Variants in COP1 observed in about 807,000 individuals in gnomAD.
COP1 encodes COP1 E3 ubiquitin ligase, also known as E3 ubiquitin-protein ligase COP1.
COP1 carries 24 observed loss-of-function variants against 101.3 expected under a neutral mutation model. The observed-to-expected ratio is 0.24, with a 90% CI of 0.17 to 0.33. COP1 has a LOEUF of 0.33. Ranked by LOEUF, COP1 falls within the 10% of genes least tolerant of loss-of-function variation. The pLI, the probability that COP1 is intolerant of heterozygous loss-of-function variation, is 1.00. For missense variants in COP1, 663 were observed against 906.2 expected, an observed-to-expected ratio of 0.73 and a Z score of 3.45; for synonymous variants, 347 against 341.9, an observed-to-expected ratio of 1.01 and a Z score of -0.17.
At chr1:176,043,144 G>T in intron 14 of COP1, 42 bp downstream of exon 14, 3 of 1,189,096 alleles carry the variant, frequency 2.5e-6, no homozygotes, top group Non-Finnish European at 3.8e-6. Flanking sequence ...AGTTAAGAGG[G>T]CCAGGGAGAA....
At chr1:176,103,168 C>T (rs1470956106) in intron 9 of COP1, among the ~76,000 whole-genome samples, 2 of 152,154 alleles carry the variant, frequency 1.3e-5, no homozygotes, top group Admixed American at 6.5e-5. Context: ...TCCTAAAATC[C>T]TTGGAGTTTC....
At chr1:175,962,945 G>T (rs1293919696) in intron 18 of COP1, among the ~76,000 whole-genome samples, 1 of 152,108 alleles carries the variant, frequency 6.6e-6, no homozygotes, top group Non-Finnish European at 1.5e-5. Flanking sequence ...TGTTTGAAGT[G>T]AATATAATGA....
At chr1:176,204,217 T>C (rs1700594661) in intron 1 of COP1, among the ~76,000 whole-genome samples, 1 of 152,152 alleles carries the variant, frequency 6.6e-6, no homozygotes, top group Non-Finnish European at 1.5e-5. Flanking sequence ...TGTGCCTCAA[T>C]GAGAAAATAA....
intron 15 of COP1, among the ~76,000 whole-genome samples, chr1:176,013,443 AT>A (rs1199136322): frequency 6.6e-6 from 1 of 152,218 alleles, no homozygotes; most frequent in Non-Finnish European, 1.5e-5. Flanking sequence ...TTAATGAATC[AT>A]TATAAAGAAT....
In COP1 at chr1:176,007,929, G is replaced by A. The variant is rs547596195; in HGVS notation, c.1730-18450C>T. ...TAAGCAAGCCTGGGTAATGGCGGGC[G>A]CCCCTCCCCCAGCCTCGCTGCCGCC... is the stretch of plus-strand genomic sequence containing the variant. On this transcript the variant is annotated intron_variant, in intron 15 of 19. Coordinates refer to ENST00000367669, the MANE Select transcript of COP1 (RefSeq NM_022457.7). 2.6e-3 allele frequency among the ~76,000 whole-genome samples: 402 copies of A among 152,298 alleles called. 3 individuals carry two copies. Among genetic ancestry groups the A allele is most frequent in the African/African-American group, 9.2e-3 (383 of 41,572 alleles).
chr1:176,106,080 G>T (rs1220760286), intron 9 of COP1, among the ~76,000 whole-genome samples: 1 of 152,154 alleles, frequency 6.6e-6, no homozygotes, highest in Admixed American at 6.5e-5. Context: ...GCCCAGGCTG[G>T]ACTGTGGTGG....
chr1:176,028,577 A>C (rs1668089751), intron 14 of COP1, among the ~76,000 whole-genome samples: 1 of 150,122 alleles, frequency 6.7e-6, no homozygotes, highest in Non-Finnish European at 1.5e-5. Flanking sequence ...AATCAATAAA[A>C]AGGAAAAATC....
chr1:176,158,592 C>A (rs1009079003), intron 5 of COP1, among the ~76,000 whole-genome samples: 4 of 149,140 alleles, frequency 2.7e-5, no homozygotes, highest in African/African-American at 9.9e-5. Context: ...CTACAATGGC[C>A]AGGAGAGAGA....
intron 18 of COP1, among the ~76,000 whole-genome samples, chr1:175,958,177 T>A (rs1020019369): frequency 6.6e-6 from 1 of 152,124 alleles, no homozygotes; most frequent in Non-Finnish European, 1.5e-5. Context: ...ATGTAAATTA[T>A]ATTTCAATAA....
intron 18 of COP1, among the ~76,000 whole-genome samples, chr1:175,970,969 C>A (rs1048119208): frequency 3.9e-5 from 6 of 151,986 alleles, no homozygotes; most frequent in African/African-American, 1.2e-4. Flanking sequence ...GGACATAAAG[C>A]TGTTAGAAGT....
chr1:176,117,885 ACT>A (rs1686473848), intron 8 of COP1, among the ~76,000 whole-genome samples: 1 of 151,848 alleles, frequency 6.6e-6, no homozygotes, highest in Non-Finnish European at 1.5e-5. Flanking sequence ...ACAGAGCAAG[ACT>A]CTGTCTCGAA....
At chr1:176,050,100 C>T (rs1571922335) in intron 11 of COP1, among the ~76,000 whole-genome samples, 1 of 152,196 alleles carries the variant, frequency 6.6e-6, no homozygotes, top group South Asian at 2.1e-4. Context: ...TTAATTTCAA[C>T]ATACAAGTAT....
chr1:176,082,698 C>T (rs566317486), intron 10 of COP1, among the ~76,000 whole-genome samples: 12 of 151,500 alleles, frequency 7.9e-5, no homozygotes, highest in African/African-American at 2.9e-4. Flanking sequence ...CCTAGCTACT[C>T]GGGAGGCTAG....
At chr1:176,099,223 CAAATACA>C (rs778604113) in intron 9 of COP1, among the ~76,000 whole-genome samples, 4 of 152,158 alleles carry the variant, frequency 2.6e-5, no homozygotes, top group Non-Finnish European at 5.9e-5. Flanking sequence ...CAGGTACTCT[CAAATACA>C]GGTTTCTAAT....
intron 2 of COP1, among the ~76,000 whole-genome samples, chr1:176,183,756 G>C (rs1698087080): frequency 6.6e-6 from 1 of 152,142 alleles, no homozygotes; most frequent in Non-Finnish European, 1.5e-5. Flanking sequence ...ATATACAATG[G>C]AGTATTATTC....
At position 176,086,706 on chromosome 1, in the gene COP1, T is replaced by C. The variant is rs565111056; in HGVS notation, c.1027-816A>G. ...TGCCCAAAGTAATTTATAAATTCAATGCCATCCCCATCAAGCTACCAATGA... is the reference window on the plus strand; with the variant it reads ...TGCCCAAAGTAATTTATAAATTCAACGCCATCCCCATCAAGCTACCAATGA... On this transcript the variant is annotated intron_variant, in intron 9 of 19. Coordinates refer to ENST00000367669, the MANE Select transcript of COP1 (RefSeq NM_022457.7). 1.6e-3 allele frequency among the ~76,000 whole-genome samples: 251 copies of C among 152,282 alleles called. 1 individual carries two copies. Among genetic ancestry groups the C allele is most frequent in the African/African-American group, 5.8e-3 (240 of 41,554 alleles).
At chr1:175,979,891 G>A (rs992938715) in intron 18 of COP1, among the ~76,000 whole-genome samples, 3 of 152,048 alleles carry the variant, frequency 2.0e-5, no homozygotes, top group African/African-American at 7.2e-5. Flanking sequence ...TAAAGGCCAA[G>A]CTTGAAGTGT....
chr1:176,134,936 G>C (rs1689554770), intron 8 of COP1, 74 bp downstream of exon 8: 3 of 1,072,320 alleles, frequency 2.8e-6, no homozygotes, highest in Middle Eastern at 2.0e-4. Flanking sequence ...GCATGGAAAA[G>C]GCTCCTAAAG....
intron 6 of COP1, among the ~76,000 whole-genome samples, chr1:176,147,320 T>C (rs956763038): frequency 2.6e-5 from 4 of 152,200 alleles, no homozygotes; most frequent in Non-Finnish European, 5.9e-5. Context: ...ATCACTATAG[T>C]ACCCAATTCC....
Sources: allele counts gnomAD v4.1 joint callset (sites outside exome capture counted in the v4.1 genomes callset), GRCh38; gene constraint gnomAD v4.1.1; transcripts MANE v1.5; gene names NCBI Gene and HGNC (gene_info 2026-07-23, HGNC 2026-07-21).